The following EYA3 variants were observed in gnomAD, a reference collection of about 807,000 sequenced individuals.
EYA3 encodes EYA transcriptional coactivator and phosphatase 3, also known as protein phosphatase EYA3.
EYA3 carries 39 observed loss-of-function variants against 80.0 expected under a neutral mutation model. That is an observed-to-expected ratio of 0.49 (90% CI 0.38 to 0.64). The LOEUF (loss-of-function observed/expected upper bound fraction) is 0.64. Among genes scored for constraint, EYA3 ranks in the 30% least tolerant of loss-of-function variants. The probability of loss-of-function intolerance (pLI) is 0.00; values close to 1 mark genes in which losing one functional copy is unlikely to be tolerated. For synonymous variants in EYA3, 206 were observed against 232.8 expected (o/e 0.88, Z 1.05); for missense variants, 523 against 676.1 (o/e 0.77, Z 2.51).
At chr1:28,088,290 G>T (rs1645746246) in intron 1 of EYA3, among the ~76,000 whole-genome samples, 1 of 152,140 alleles carries the variant, frequency 6.6e-6, no homozygotes, top group Admixed American at 6.5e-5. Context: ...GGACTGATGA[G>T]GCTGAGGAAA....
At position 28,037,056 on chromosome 1, in the gene EYA3, T is replaced by G. The variant is rs187934589; in HGVS notation, c.225-1376A>C. 3.9e-5 allele frequency among the ~76,000 whole-genome samples: 6 copies of G among 152,122 alleles called. No homozygotes were observed. The East Asian group carries it at 1.2e-3, about 29-fold the overall frequency. On this transcript the variant is annotated intron_variant, in intron 5 of 17. Coordinates refer to ENST00000373871, the MANE Select transcript of EYA3 (RefSeq NM_001990.4). The stretch of plus-strand genomic sequence containing the variant: ...ACTGAGGGAAGTATATTAAGAGAAG[T>G]AGCGAGAGAAAGGAAGCAAAGACCT...
chr1:27,979,622 T>C (rs1379829818), intron 16 of EYA3, among the ~76,000 whole-genome samples: 1 of 152,194 alleles, frequency 6.6e-6, no homozygotes, highest in Non-Finnish European at 1.5e-5. Context: ...AGAAGTTATA[T>C]CCCTTGCTCT....
chr1:28,047,994 C>G (rs1271367322), intron 3 of EYA3, among the ~76,000 whole-genome samples: 3 of 152,120 alleles, frequency 2.0e-5, no homozygotes, highest in African/African-American at 7.2e-5. Context: ...CATTTCATAA[C>G]CATTTGGTAA....
At chr1:28,077,004 G>A (rs1645238867) in intron 1 of EYA3, among the ~76,000 whole-genome samples, 1 of 150,544 alleles carries the variant, frequency 6.6e-6, no homozygotes, top group Non-Finnish European at 1.5e-5. Flanking sequence ...GCCTCCCAAA[G>A]TGCTGGGATT....
intron 1 of EYA3, among the ~76,000 whole-genome samples, chr1:28,078,921 A>G (rs1257054964): frequency 6.6e-6 from 1 of 152,226 alleles, no homozygotes; most frequent in East Asian, 1.9e-4. Flanking sequence ...TAATGGAACA[A>G]TGCAGACAGG....
intron 2 of EYA3, among the ~76,000 whole-genome samples, chr1:28,054,456 G>T (rs763204662): frequency 6.6e-6 from 1 of 152,158 alleles, no homozygotes. Context: ...ATATTTATAA[G>T]CAAGCACCTC....
intron 1 of EYA3, among the ~76,000 whole-genome samples, chr1:28,063,641 T>TC (rs1346138122): frequency 6.6e-6 from 1 of 152,080 alleles, no homozygotes; most frequent in African/African-American, 2.4e-5. Context: ...AGCCACCACA[T>TC]CCGGCCTAAA....
chr1:28,014,299 G>A (rs1237145067), intron 8 of EYA3, among the ~76,000 whole-genome samples: 2 of 151,236 alleles, frequency 1.3e-5, no homozygotes, highest in Admixed American at 6.6e-5. Context: ...GGTGATGCAC[G>A]CCTGTGGTCT....
chr1:28,073,108 T>TATATATATATATATATATATATATATAC (rs1645074953), intron 1 of EYA3, among the ~76,000 whole-genome samples: 1 of 44,170 alleles, frequency 2.3e-5, no homozygotes, highest in Non-Finnish European at 4.3e-5. Flanking sequence ...AACTATTATA[T>TATATATATATATATATATATATATATAC]ATATATATAT....
intron 10 of EYA3, among the ~76,000 whole-genome samples, chr1:28,007,433 G>A (rs540176142): frequency 5.3e-4 from 80 of 150,708 alleles, no homozygotes; most frequent in African/African-American, 1.8e-3. Context: ...CTCCCAGGTT[G>A]AAGCAGTTCT....
intron 4 of EYA3, among the ~76,000 whole-genome samples, chr1:28,039,258 A>G (rs1643640743): frequency 6.6e-6 from 1 of 152,200 alleles, no homozygotes; most frequent in African/African-American, 2.4e-5. Context: ...CTGGAAAACC[A>G]CATTATTCTA....
intron 17 of EYA3, among the ~76,000 whole-genome samples, chr1:27,976,392 G>A (rs756874562): frequency 2.6e-5 from 4 of 152,046 alleles, no homozygotes; most frequent in Non-Finnish European, 5.9e-5. Context: ...CCCAGGAGGC[G>A]GAGGCTGCAG....
intron 13 of EYA3, 111 bp from the exon 14 acceptor site, chr1:27,993,671 G>A: frequency 1.2e-6 from 1 of 832,328 alleles, no homozygotes; most frequent in Non-Finnish European, 1.8e-6. Flanking sequence ...ATGGCTTTAA[G>A]GATCTTCTTC....
chr1:28,062,657 G>GGTGGGTGT (rs1553155519), intron 1 of EYA3, among the ~76,000 whole-genome samples: 1 of 141,528 alleles, frequency 7.1e-6, no homozygotes, highest in East Asian at 2.0e-4. Context: ...AATATATGTA[G>GGTGGGTGT]GTGTGTGTGT....
At chr1:28,054,378 A>T (rs372155157) in intron 2 of EYA3, among the ~76,000 whole-genome samples, 34 of 152,214 alleles carry the variant, frequency 2.2e-4, no homozygotes, top group Non-Finnish European at 4.7e-4. Context: ...TGTCTTCTCT[A>T]TCAAGAAGAG....
At chr1:28,019,710 T>C (rs952107994) in intron 7 of EYA3, among the ~76,000 whole-genome samples, 7 of 152,092 alleles carry the variant, frequency 4.6e-5, no homozygotes, top group Non-Finnish European at 8.8e-5. Flanking sequence ...ATATCCTTTT[T>C]TTCTTTTTTT....
intron 7 of EYA3, among the ~76,000 whole-genome samples, chr1:28,019,192 A>T (rs542764363): frequency 6.6e-6 from 1 of 152,188 alleles, no homozygotes; most frequent in Admixed American, 6.5e-5. Context: ...AATTAAAACA[A>T]CAAAAACAAA....
chr1:28,062,048 A>T (rs1398470866), intron 1 of EYA3, among the ~76,000 whole-genome samples: 1 of 152,242 alleles, frequency 6.6e-6, no homozygotes, highest in Non-Finnish European at 1.5e-5. Context: ...AATTAAAATA[A>T]ATTAAAACTT....
chr1:28,005,740 C>T (rs893199465), intron 10 of EYA3, among the ~76,000 whole-genome samples: 1 of 150,906 alleles, frequency 6.6e-6, no homozygotes, highest in Non-Finnish European at 1.5e-5. Flanking sequence ...AACAAAAAAC[C>T]CCCAAAAAAC....
Sources: gnomAD v4.1 joint callset for allele counts (sites outside exome capture counted in the v4.1 genomes callset) on GRCh38, gnomAD v4.1.1 for gene constraint, MANE v1.5 for transcripts, NCBI Gene and HGNC (gene_info 2026-07-23, HGNC 2026-07-21) for gene names.